The following C3orf20 variants were observed in gnomAD, a reference collection of about 807,000 sequenced individuals.
The protein encoded by C3orf20 is family with sequence similarity 149 member C.
In C3orf20, 76 loss-of-function variants were observed where a neutral mutation model predicts 88.3. The observed-to-expected ratio is 0.86, with a 90% CI of 0.72 to 1.04. The LOEUF (loss-of-function observed/expected upper bound fraction) is 1.04. Ranked by LOEUF, C3orf20 falls within the 50% of genes least tolerant of loss-of-function variation. The pLI is 0.00. For synonymous variants in C3orf20, 436 were observed against 437.4 expected (o/e 1.00, Z 0.04); for missense variants, 1,056 against 1,123.3 (o/e 0.94, Z 0.86).
Position 14,772,107 on chromosome 3 carries a change from G to T in C3orf20, c.2536G>T (p.Val846Phe). The T allele has an allele frequency of 6.2e-7, 1 of 1,614,238 alleles. No individual in the cohort carries two copies. Among genetic ancestry groups the T allele is most frequent in the Non-Finnish European group, 8.5e-7 (1 of 1,180,046 alleles). The change falls in exon 16 of 17, where the codon GTC becomes TTC. Residue 846 changes from valine to phenylalanine, a missense_variant. By Grantham distance (50) the Val-to-Phe change is conservative. Coordinates refer to ENST00000253697, the MANE Select transcript of C3orf20 (RefSeq NM_032137.5). This position sits in a 1 kb window ranked among gnomAD's most constrained non-coding sequence, Gnocchi z 4.2. ...SVLSLEDSES[V>F]KKAESEDIQG... ...CCTGAGCCTGGAGGATTCTGAATCA[G>T]TCAAGAAAGCCGAGTCAGAAGATAT...
chr3:14,749,045 G>A (rs2035143491), intron 12 of C3orf20, among the ~76,000 whole-genome samples: 1 of 152,166 alleles, frequency 6.6e-6, no homozygotes, highest in Non-Finnish European at 1.5e-5. Flanking sequence ...AAAGTGGGAT[G>A]TTAAAGTATC....
chr3:14,682,052 T>G (rs925455390), intron 1 of C3orf20, 118 bp from the exon 2 acceptor site: 1 of 152,242 alleles, frequency 6.6e-6, no homozygotes, highest in Non-Finnish European at 1.5e-5. Flanking sequence ...CATTTTTTTC[T>G]TATAAGATGG....
In C3orf20 at chr3:14,772,739, G is replaced by A. The variant is rs1423146987; in HGVS notation, c.2631-52G>A. On this transcript the variant is annotated intron_variant, in intron 16 of 16. Coordinates refer to ENST00000253697, the MANE Select transcript of C3orf20 (RefSeq NM_032137.5). This position sits in a 1 kb window ranked among gnomAD's most constrained non-coding sequence, Gnocchi z 4.2. ...TGGCCCAACCGGGCCTGGGCTCTGGGCACTGTGAAGAACAGCCCTTCCGCC... is the reference window on the plus strand; with the variant it reads ...TGGCCCAACCGGGCCTGGGCTCTGGACACTGTGAAGAACAGCCCTTCCGCC... 7 of 1,469,980 alleles carry A rather than the reference G, an allele frequency of 4.8e-6. No individual in the cohort carries two copies. The highest frequency in any genetic ancestry group is 6.7e-6 in the Non-Finnish European group (7 of 1,051,904). The allele number at this position is 1,469,980 out of a possible 1,614,324, so 91.1% of individuals were successfully genotyped here.
At chr3:14,721,502 C>A in intron 9 of C3orf20, 151 bp from the exon 10 acceptor site, 2 of 1,144,830 alleles carry the variant, frequency 1.7e-6, no homozygotes, top group Non-Finnish European at 2.5e-6. Context: ...CTGTCTTCTC[C>A]ATGAAGCGGA....
intron 12 of C3orf20, among the ~76,000 whole-genome samples, chr3:14,747,430 AAT>A (rs2035088650): frequency 6.6e-6 from 1 of 152,148 alleles, no homozygotes. Context: ...ATTTACACCA[AAT>A]TATCTAGCCT....
rs550267332 is a variant in C3orf20 at position 14,678,894 on chromosome 3, A to G, written c.-298-3276A>G. ...TGCATGGAGTATTTGATTATATAGC[A>G]CATGCAAATTCTTTGGAATGACATA... On this transcript the variant is annotated intron_variant, in intron 1 of 16. Coordinates refer to ENST00000253697, the MANE Select transcript of C3orf20 (RefSeq NM_032137.5). Among the ~76,000 whole-genome samples the G allele has an allele frequency of 1.3e-3, 200 of 152,298 alleles. 1 individual carries two copies. Among genetic ancestry groups the G allele is most frequent in the Middle Eastern group, 3.4e-3 (1 of 294 alleles).
intron 12 of C3orf20, among the ~76,000 whole-genome samples, chr3:14,746,177 G>A (rs1427848047): frequency 6.6e-6 from 1 of 152,136 alleles, no homozygotes; most frequent in East Asian, 1.9e-4. Flanking sequence ...CACAAACCAG[G>A]CAGTCTTTGA....
chr3:14,694,349 T>A (rs9871970), intron 5 of C3orf20, among the ~76,000 whole-genome samples: 1 of 151,926 alleles, frequency 6.6e-6, no homozygotes, highest in Non-Finnish European at 1.5e-5. Context: ...CTTTTTATTA[T>A]AGTTTCAATC....
At chr3:14,719,999 T>C (rs979790319) in intron 9 of C3orf20, among the ~76,000 whole-genome samples, 2 of 147,222 alleles carry the variant, frequency 1.4e-5, no homozygotes, top group African/African-American at 4.9e-5. Context: ...GGAGGGTTTT[T>C]TTTGTTTTTT....
chr3:14,707,248 C>CA (rs10662478), intron 7 of C3orf20, among the ~76,000 whole-genome samples: 4,456 of 93,718 alleles, frequency 0.048, 489 homozygotes, highest in South Asian at 0.14. Context: ...GACTCCGTCT[C>CA]AAAAAAAAAA....
intron 5 of C3orf20, among the ~76,000 whole-genome samples, chr3:14,696,358 G>T (rs1575100949): frequency 7.2e-6 from 1 of 138,702 alleles, no homozygotes; most frequent in Non-Finnish European, 1.5e-5. Context: ...ATCTTGAAAA[G>T]TTGTTGTGCT....
At chr3:14,687,085 C>T (rs767617301) in intron 4 of C3orf20, among the ~76,000 whole-genome samples, 12 of 152,166 alleles carry the variant, frequency 7.9e-5, no homozygotes, top group African/African-American at 4.8e-5. Context: ...GAAGGGAAAA[C>T]CGAATACAGG....
chr3:14,679,317 A>G (rs568135100), intron 1 of C3orf20, among the ~76,000 whole-genome samples: 77 of 152,368 alleles, frequency 5.1e-4, no homozygotes, highest in Admixed American at 1.5e-3. Context: ...ATGACAAAAT[A>G]GAAATTGGAT....
intron 10 of C3orf20, among the ~76,000 whole-genome samples, chr3:14,722,933 A>G (rs558975283): frequency 6.6e-6 from 1 of 152,326 alleles, no homozygotes; most frequent in South Asian, 2.1e-4. Flanking sequence ...CCTCAACACA[A>G]GATGGGGTAA....
chr3:14,757,398 C>T lies in C3orf20; in HGVS notation c.1968C>T (p.Pro656=), dbSNP rs2035406260. 6.2e-7 allele frequency: 1 copy of T among 1,611,792 alleles called. No individual in the cohort carries two copies. Among genetic ancestry groups the T allele is most frequent in the Non-Finnish European group, 8.5e-7 (1 of 1,179,802 alleles). Residue 656 remains proline (P), a synonymous_variant, in exon 13 of 17, where the codon CCC becomes CCT. Transcript: ENST00000253697. ...SRGKAREGRS[P]TRWAALPSDC... is the part of the protein sequence containing the mutation. ...GGAAGGCCCGCGAGGGGCGCAGCCC[C>T]ACCAGGTGGGCGGCCTTGCCCTCAG... is the stretch of plus-strand genomic sequence containing the variant.
chr3:14,684,636 C>T (rs1447770691), intron 4 of C3orf20, among the ~76,000 whole-genome samples: 1 of 152,164 alleles, frequency 6.6e-6, no homozygotes, highest in African/African-American at 2.4e-5. Context: ...AGAGGTCATT[C>T]CCTAGAGCCG....
chr3:14,678,039 C>A (rs1009450189), intron 1 of C3orf20, among the ~76,000 whole-genome samples: 2 of 152,038 alleles, frequency 1.3e-5, no homozygotes, highest in East Asian at 3.9e-4. Flanking sequence ...CTACCCTCCC[C>A]ACCTCTACAC....
At chr3:14,738,759 A>AGCGACTCTCCTGCCTCAG (rs2034808083) in intron 12 of C3orf20, among the ~76,000 whole-genome samples, 2 of 129,308 alleles carry the variant, frequency 1.5e-5, no homozygotes, top group Admixed American at 1.7e-4. Context: ...TCCTGCCTCA[A>AGCGACTCTCCTGCCTCAG]CCTCCTGAGT....
At chr3:14,761,648 G>A (rs376986589) in intron 15 of C3orf20, 33 bp downstream of exon 15, 1 of 1,612,722 alleles carries the variant, frequency 6.2e-7, no homozygotes, top group African/African-American at 1.3e-5. Flanking sequence ...TGAGGGATGG[G>A]CCTGGGGAGG....
Sources: gnomAD v4.1 joint callset for allele counts (sites outside exome capture counted in the v4.1 genomes callset) on GRCh38, gnomAD v4.1.1 for gene constraint, Gnocchi (gnomAD v3.1) non-coding constraint, MANE v1.5 for transcripts, NCBI Gene and HGNC (gene_info 2026-07-23, HGNC 2026-07-21) for gene names.